Variants in SYNPO2 observed in about 807,000 individuals in gnomAD.
SYNPO2 encodes the protein synaptopodin-2.
Under a neutral mutation model 85.0 loss-of-function variants are expected in SYNPO2, and 56 were observed. That is an observed-to-expected ratio of 0.66 (90% confidence interval 0.53 to 0.82). SYNPO2 has a LOEUF of 0.82. SYNPO2 is among the 40% of genes least tolerant of loss of function. The pLI is 0.00. For synonymous variants in SYNPO2, 602 were observed against 591.1 expected (o/e 1.02, Z -0.27); for missense variants, 1,575 against 1,534.2 (o/e 1.03, Z -0.44).
In SYNPO2 at chr4:119,060,162, T is replaced by G. The variant is rs1465266417; in HGVS notation, c.*2228T>G. On this transcript the variant is annotated 3_prime_UTR_variant, in exon 5 of 5. Transcript: ENST00000307142. Reference sequence around the variant, plus strand: ...TGACATAGATATTATTCACTAAAATTTTCAGCAGACTCAAAATAGAGAGGA... The same window carrying G: ...TGACATAGATATTATTCACTAAAATGTTCAGCAGACTCAAAATAGAGAGGA... The G allele has an allele frequency of 1.3e-5, 2 of 152,152 alleles. No individual in the cohort carries two copies. The highest frequency in any genetic ancestry group is 2.4e-5 in the African/African-American group (1 of 41,446). 9.4% of individuals were successfully genotyped at this position (152,152 alleles called of 1,614,324 possible).
intron 1 of SYNPO2, among the ~76,000 whole-genome samples, chr4:119,021,544 A>G (rs1212745289): frequency 1.3e-5 from 2 of 152,220 alleles, no homozygotes; most frequent in African/African-American, 4.8e-5. Flanking sequence ...TGGTCATCAT[A>G]CATGGTTCAT....
rs141400028 is a variant in SYNPO2, at chr4:118,994,298, G to A, written c.106-29132G>A. Among the ~76,000 whole-genome samples the A allele has an allele frequency of 1.6e-3, 250 of 152,352 alleles. 2 individuals are homozygous for A. Among genetic ancestry groups the A allele is most frequent in the African/African-American group, 5.8e-3 (243 of 41,596 alleles). On this transcript the variant is annotated intron_variant, in intron 1 of 4. Transcript: ENST00000307142. ...AACACACTTGTTACTCATCTGCTGT[G>A]CCTGTAGGACAAGCCAGGCATGTGA...
chr4:118,928,957 C>G (rs1733827972), intron 1 of SYNPO2, among the ~76,000 whole-genome samples: 1 of 152,080 alleles, frequency 6.6e-6, no homozygotes, highest in African/African-American at 2.4e-5. Flanking sequence ...GATAGACACA[C>G]TTGTTTAATT....
upstream of SYNPO2, among the ~76,000 whole-genome samples, chr4:118,885,191 G>A (rs1732176394): frequency 6.6e-6 from 1 of 152,200 alleles, no homozygotes; most frequent in African/African-American, 2.4e-5. Context: ...GGAAGAAGTA[G>A]GTAGTGGGAG....
chr4:118,929,701 A>G (rs910078484), intron 1 of SYNPO2, among the ~76,000 whole-genome samples: 1 of 152,100 alleles, frequency 6.6e-6, no homozygotes, highest in Non-Finnish European at 1.5e-5. Context: ...TCCTAAGCTA[A>G]TTATTGTGGA....
At chr4:118,882,545 T>C (rs551060612) in intron 1 of SYNPO2, among the ~76,000 whole-genome samples, 2 of 152,250 alleles carry the variant, frequency 1.3e-5, no homozygotes, top group East Asian at 3.9e-4. Flanking sequence ...TTTGGAAAAA[T>C]AAAATGCCTA....
At chr4:118,900,087 T>C (rs1284205266) in intron 1 of SYNPO2, among the ~76,000 whole-genome samples, 4 of 152,220 alleles carry the variant, frequency 2.6e-5, no homozygotes, top group Non-Finnish European at 5.9e-5. Context: ...TTGAAAAATA[T>C]GAAATTGGGT....
upstream of SYNPO2, among the ~76,000 whole-genome samples, chr4:118,888,390 T>C (rs868764842): frequency 6.6e-6 from 1 of 152,222 alleles, no homozygotes; most frequent in Non-Finnish European, 1.5e-5. Flanking sequence ...TTTCCTCTTA[T>C]AGGAATAATT....
chr4:119,031,109 A>C lies in SYNPO2; in HGVS notation c.2334A>C (p.Pro778=). ...SSSQPVTPVS[P]VWSPGVAPTQ... ...CCCAACCAGTAACTCCAGTTTCCCC[A>C]GTCTGGTCTCCAGGAGTGGCTCCCA... The change falls in exon 4 of 5, where the codon CCA becomes CCC. Residue 778 remains proline, a synonymous_variant. Transcript: ENST00000307142. The C allele has an allele frequency of 1.2e-6, 2 of 1,614,104 alleles. No homozygotes were observed. The highest frequency in any genetic ancestry group is 1.7e-6 in the Non-Finnish European group (2 of 1,180,008).
At chr4:118,959,948 G>T (rs1024495917) in intron 1 of SYNPO2, among the ~76,000 whole-genome samples, 2 of 152,164 alleles carry the variant, frequency 1.3e-5, no homozygotes, top group African/African-American at 4.8e-5. Context: ...TAAGGAACTT[G>T]CGCTGGAGAG....
At chr4:119,018,526 A>G (rs987266465) in intron 1 of SYNPO2, among the ~76,000 whole-genome samples, 6 of 152,106 alleles carry the variant, frequency 3.9e-5, no homozygotes, top group Non-Finnish European at 5.9e-5. Flanking sequence ...GGTTCTCCAT[A>G]GTGACTGGAC....
intron 1 of SYNPO2, among the ~76,000 whole-genome samples, chr4:118,876,664 TTTC>T (rs1731917272): frequency 7.2e-6 from 1 of 138,348 alleles, no homozygotes; most frequent in African/African-American, 2.6e-5. Context: ...CCTTCCTTCC[TTTC>T]TCTTTCTTTC....
At position 118,988,044 on chromosome 4, in the gene SYNPO2, A is replaced by G. The variant is rs181203614; in HGVS notation, c.106-35386A>G. Among the ~76,000 whole-genome samples the G allele has an allele frequency of 2.7e-3, 411 of 152,312 alleles. 6 individuals carry two copies. Among genetic ancestry groups the G allele is most frequent in the African/African-American group, 9.3e-3 (387 of 41,558 alleles). ...TATTGGTTGGGAGAATTTGAGCTCA[A>G]ATTCAAACATAACAACATGTTTTTG... On this transcript the variant is annotated intron_variant, in intron 1 of 4. Coordinates refer to ENST00000307142, the MANE Select transcript of SYNPO2 (RefSeq NM_133477.3).
intron 1 of SYNPO2, among the ~76,000 whole-genome samples, chr4:118,939,035 G>T (rs755365000): frequency 6.6e-6 from 1 of 152,052 alleles, no homozygotes; most frequent in African/African-American, 2.4e-5. Context: ...GGATTATGAT[G>T]GTGTACAGAT....
At chr4:118,996,006 T>G (rs1736579582) in intron 1 of SYNPO2, among the ~76,000 whole-genome samples, 1 of 152,192 alleles carries the variant, frequency 6.6e-6, no homozygotes, top group East Asian at 1.9e-4. Context: ...TCCAGGCTCT[T>G]TTGTACTGAA....
intron 1 of SYNPO2, among the ~76,000 whole-genome samples, chr4:118,988,848 C>T (rs1560950488): frequency 2.0e-5 from 3 of 152,218 alleles, no homozygotes; most frequent in Admixed American, 2.0e-4. Flanking sequence ...ATGCACCTTC[C>T]CCCACCCCAA....
rs1405014960 is a variant in SYNPO2, at chr4:119,052,827, C to T, written c.3253-4574C>T. On this transcript the variant is annotated intron_variant, in intron 4 of 4. Transcript: ENST00000307142. Reference sequence around the variant, plus strand: ...TCTTCCTAAAAGTAAGCAAAATGTCCCAGGATCTGCTAAGTTTTCTTCCAG... The same window carrying T: ...TCTTCCTAAAAGTAAGCAAAATGTCTCAGGATCTGCTAAGTTTTCTTCCAG... 2.0e-5 allele frequency among the ~76,000 whole-genome samples: 3 copies of T among 152,114 alleles called. No individual in the cohort carries two copies. In the South Asian group the frequency reaches 6.2e-4, roughly 32 times the overall value.
At chr4:118,921,778 T>G (rs1476896809) in intron 1 of SYNPO2, among the ~76,000 whole-genome samples, 1 of 122,014 alleles carries the variant, frequency 8.2e-6, no homozygotes. Flanking sequence ...ACTTTTCATA[T>G]GCACACACAC....
At chr4:118,961,666 A>G (rs1404136338) in intron 1 of SYNPO2, among the ~76,000 whole-genome samples, 1 of 152,176 alleles carries the variant, frequency 6.6e-6, no homozygotes, top group East Asian at 1.9e-4. Context: ...CTAAATTCGT[A>G]AAGCTCTCTA....
Sources: allele counts gnomAD v4.1 joint callset (sites outside exome capture counted in the v4.1 genomes callset), GRCh38; gene constraint gnomAD v4.1.1; transcripts MANE v1.5; gene names NCBI Gene and HGNC (gene_info 2026-07-23, HGNC 2026-07-21).